Variants in BLNK observed in about 807,000 individuals in gnomAD.
BLNK encodes B cell linker.
Under a neutral mutation model 73.5 loss-of-function variants are expected in BLNK, and 29 were observed. The observed-to-expected ratio is 0.39, with a 90% CI of 0.29 to 0.54. BLNK has a LOEUF of 0.54. BLNK is among the 20% of genes least tolerant of loss of function. The probability of loss-of-function intolerance (pLI) is 0.61; values close to 1 mark genes in which losing one functional copy is unlikely to be tolerated. For synonymous variants in BLNK, 176 were observed against 200.8 expected (o/e 0.88, Z 1.04); for missense variants, 460 against 562.8 (o/e 0.82, Z 1.85).
At chr10:96,214,411 G>A (rs1363670848) in intron 8 of BLNK, among the ~76,000 whole-genome samples, 1 of 152,162 alleles carries the variant, frequency 6.6e-6, no homozygotes, top group Non-Finnish European at 1.5e-5. Context: ...AACATCTGGA[G>A]GAGTTCAGCG....
At chr10:96,250,402 CAG>C (rs147274548) in intron 1 of BLNK, among the ~76,000 whole-genome samples, 6 of 138,574 alleles carry the variant, frequency 4.3e-5, no homozygotes, top group Admixed American at 1.5e-4. Context: ...GAGAGACAGA[CAG>C]AGAGAGAGGG....
At chr10:96,234,179 A>G (rs1170270865) in intron 3 of BLNK, among the ~76,000 whole-genome samples, 1 of 152,216 alleles carries the variant, frequency 6.6e-6, no homozygotes, top group Non-Finnish European at 1.5e-5. Flanking sequence ...GAGCACTTAG[A>G]TAAAACCTTG....
chr10:96,208,016 G>A (rs1166458121), intron 9 of BLNK, 117 bp from the exon 10 acceptor site: 1 of 1,105,300 alleles, frequency 9.0e-7, no homozygotes, highest in Non-Finnish European at 1.4e-6. Context: ...CAAGTGTGTA[G>A]AAGACTATCC....
At chr10:96,208,097 A>G (rs964259297) in intron 9 of BLNK, among the ~76,000 whole-genome samples, 198 bp from the exon 10 acceptor site, 1 of 152,174 alleles carries the variant, frequency 6.6e-6, no homozygotes, top group African/African-American at 2.4e-5. Context: ...GTCTGCTGAC[A>G]GATGGGGAAG....
chr10:96,261,848 T>C (rs1437479247), intron 1 of BLNK, among the ~76,000 whole-genome samples: 1 of 152,224 alleles, frequency 6.6e-6, no homozygotes, highest in Non-Finnish European at 1.5e-5. Context: ...ATACACTTTT[T>C]ATGCTTAAAA....
chr10:96,263,630 G>T (rs1314081736), intron 1 of BLNK, among the ~76,000 whole-genome samples: 1 of 152,216 alleles, frequency 6.6e-6, no homozygotes, highest in African/African-American at 2.4e-5. Context: ...GGGAGGTGAA[G>T]GCAGGACAGG....
intron 6 of BLNK, among the ~76,000 whole-genome samples, chr10:96,218,621 G>A (rs1324915153): frequency 6.6e-6 from 1 of 151,516 alleles, no homozygotes; most frequent in Admixed American, 6.6e-5. Flanking sequence ...TTGAGCCCAG[G>A]AAGCTGAGGC....
rs587729572 is a variant in BLNK at position 96,229,693 on chromosome 10, T to C, written c.204+1101A>G. Among the ~76,000 whole-genome samples the C allele has an allele frequency of 6.7e-4, 101 of 150,010 alleles. No homozygotes were observed. The Middle Eastern group carries it at 0.011, about 16-fold the overall frequency. On this transcript the variant is annotated intron_variant, in intron 4 of 16. Coordinates refer to ENST00000224337, the MANE Select transcript of BLNK (RefSeq NM_013314.4). ...GTGTGTGTGTGTGTGTGTGTTCGTG[T>C]GTGCACGCGCGTGCGCAGCCAGCAG... is the stretch of plus-strand genomic sequence containing the variant.
intron 16 of BLNK, among the ~76,000 whole-genome samples, chr10:96,192,687 A>G (rs1208114718): frequency 6.6e-6 from 1 of 152,038 alleles, no homozygotes; most frequent in Non-Finnish European, 1.5e-5. Context: ...ATACATACTT[A>G]TTTTTCCAAA....
In BLNK at chr10:96,196,977, A is replaced by G. The variant is rs782763305; in HGVS notation, c.1182T>C (p.Tyr394=). 1 of 1,613,332 alleles carries G rather than the reference A, an allele frequency of 6.2e-7. No individual in the cohort carries two copies. Among genetic ancestry groups the G allele is most frequent in the African/African-American group, 1.3e-5 (1 of 74,922 alleles). Residue 394 remains tyrosine, a synonymous_variant, in exon 16 of 17, where the codon TAT becomes TAC. Coordinates refer to ENST00000224337, the MANE Select transcript of BLNK (RefSeq NM_013314.4). ...TLVVFFNKRV[Y]NIPVRFIEAT... is the part of the protein sequence containing the mutation. ...CTTCAATAAATCGCACAGGAATATT[A>G]TATACTCGCTTATTAAAGAATACAA...
chr10:96,195,178 T>G (rs1321025289), intron 16 of BLNK, among the ~76,000 whole-genome samples: 1 of 152,178 alleles, frequency 6.6e-6, no homozygotes, highest in Non-Finnish European at 1.5e-5. Flanking sequence ...CTGGTGGGGA[T>G]GTGAAGAAGT....
intron 16 of BLNK, among the ~76,000 whole-genome samples, chr10:96,196,622 T>C (rs1360911934): frequency 1.3e-5 from 2 of 152,214 alleles, no homozygotes; most frequent in Non-Finnish European, 2.9e-5. Flanking sequence ...CATTTCAACC[T>C]TGATTTATAT....
intron 6 of BLNK, among the ~76,000 whole-genome samples, chr10:96,218,321 C>G (rs148247968): frequency 7.9e-5 from 12 of 152,228 alleles, no homozygotes; most frequent in Admixed American, 2.6e-4. Flanking sequence ...AGAGATATCA[C>G]CATTGGCTCC....
chr10:96,207,021 A>G lies in BLNK; in HGVS notation c.807T>C (p.Ser269=), dbSNP rs374762276. The change falls in exon 11 of 17, where the codon AGT becomes AGC. Residue 269 remains serine (S), a synonymous_variant. Coordinates refer to ENST00000224337, the MANE Select transcript of BLNK (RefSeq NM_013314.4). ...TPVASQQNAS[S]VCEEKPIPAE... is the part of the protein sequence containing the mutation. ...AATAATAGATTTTACCTTCACAAAC[A>G]CTTGAAGCATTCTGTTGAGAGGCAA... 2 of 1,614,056 alleles carry G rather than the reference A, an allele frequency of 1.2e-6. No homozygotes were observed. The highest frequency in any genetic ancestry group is 1.7e-5 in the Admixed American group (1 of 60,026).
At chr10:96,260,221 ACT>A (rs1251641389) in intron 1 of BLNK, among the ~76,000 whole-genome samples, 1 of 152,016 alleles carries the variant, frequency 6.6e-6, no homozygotes, top group Non-Finnish European at 1.5e-5. Context: ...GATGACACAG[ACT>A]CTTGGGTTTG....
chr10:96,211,905 G>A (rs940638114), intron 8 of BLNK, among the ~76,000 whole-genome samples: 9 of 152,096 alleles, frequency 5.9e-5, no homozygotes. Context: ...TCAGGGAAGT[G>A]GAACAAAATC....
In BLNK at chr10:96,200,808, A is replaced by G. The variant is rs1367189281; in HGVS notation, c.1011+174T>C. Among the ~76,000 whole-genome samples the G allele has an allele frequency of 6.6e-6, 1 of 151,768 alleles. No individual in the cohort carries two copies. Among genetic ancestry groups the G allele is most frequent in the African/African-American group, 2.4e-5 (1 of 41,386 alleles). ...AACTGGAGCAATGTCTTAGTCATTG[A>G]AAAAAAACAACAACTGGGTATTCTG... On this transcript the variant is annotated intron_variant, in intron 14 of 16. Coordinates refer to ENST00000224337, the MANE Select transcript of BLNK (RefSeq NM_013314.4). The surrounding 1 kb of genome is among the most constrained non-coding windows in gnomAD (Gnocchi z 4.3).
chr10:96,246,923 T>G, intron 2 of BLNK, 61 bp downstream of exon 2: 2 of 1,299,460 alleles, frequency 1.5e-6, no homozygotes, highest in East Asian at 2.4e-5. Flanking sequence ...TTTGTTTTCT[T>G]CCATGTAGCA....
chr10:96,206,948 T>C (rs1677994135), intron 11 of BLNK, 63 bp downstream of exon 11: 2 of 1,505,216 alleles, frequency 1.3e-6, no homozygotes, highest in Admixed American at 1.7e-5. Context: ...AATGTGTACA[T>C]ACAAATCCTT....
Sources: allele counts gnomAD v4.1 joint callset (sites outside exome capture counted in the v4.1 genomes callset), GRCh38; gene constraint gnomAD v4.1.1; non-coding constraint Gnocchi (gnomAD v3.1); transcripts MANE v1.5; gene names NCBI Gene and HGNC (gene_info 2026-07-23, HGNC 2026-07-21).